OXR1: variants seen among roughly 807,000 people sequenced by gnomAD.
The protein encoded by OXR1 is oxidation resistance protein 1.
A neutral mutation model predicts 104.6 loss-of-function variants in OXR1; 41 were observed. The observed-to-expected ratio is 0.39, with a 90% confidence interval of 0.31 to 0.51. The LOEUF (loss-of-function observed/expected upper bound fraction) is 0.51. Ranked by LOEUF, OXR1 falls within the 20% of genes least tolerant of loss-of-function variation. OXR1 has a pLI of 0.77. For synonymous variants in OXR1, 348 were observed against 348.4 expected, an observed-to-expected ratio of 1.00 and a Z score of 0.01; for missense variants, 955 against 1,031.9, an observed-to-expected ratio of 0.93 and a Z score of 1.02.
chr8:106,391,757 C>T (rs1031754269), intron 2 of OXR1, among the ~76,000 whole-genome samples: 5 of 151,892 alleles, frequency 3.3e-5, no homozygotes, highest in African/African-American at 9.7e-5. Flanking sequence ...TTTTTCCATA[C>T]AGTATTCATT....
intron 1 of OXR1, among the ~76,000 whole-genome samples, chr8:106,282,427 G>A (rs748631456): frequency 3.3e-5 from 5 of 151,998 alleles, no homozygotes; most frequent in Non-Finnish European, 7.4e-5. Flanking sequence ...TAGTTGACTC[G>A]AACAATATGA....
At chr8:106,407,813 G>A (rs970766491) in intron 2 of OXR1, among the ~76,000 whole-genome samples, 28 of 152,238 alleles carry the variant, frequency 1.8e-4, no homozygotes, top group African/African-American at 6.5e-4. Context: ...TCCTCATGGA[G>A]GAAGGGGTTT....
At chr8:106,278,001 G>A (rs1434503829) in intron 1 of OXR1, among the ~76,000 whole-genome samples, 1 of 152,156 alleles carries the variant, frequency 6.6e-6, no homozygotes. Context: ...AGCCACCACA[G>A]CATTTATGTT....
chr8:106,492,324 C>T (rs1184862943), intron 2 of OXR1, among the ~76,000 whole-genome samples: 1 of 152,138 alleles, frequency 6.6e-6, no homozygotes, highest in African/African-American at 2.4e-5. Context: ...AGATAGTTAG[C>T]TCAGAAGGCC....
At chr8:106,371,802 C>T (rs1816718886) in intron 2 of OXR1, among the ~76,000 whole-genome samples, 1 of 152,192 alleles carries the variant, frequency 6.6e-6, no homozygotes, top group Non-Finnish European at 1.5e-5. Context: ...AAGGATAGGC[C>T]TGAAGAAACA....
At chr8:106,547,428 T>C (rs551929554) in intron 3 of OXR1, among the ~76,000 whole-genome samples, 2 of 152,188 alleles carry the variant, frequency 1.3e-5, no homozygotes, top group Admixed American at 1.3e-4. Flanking sequence ...GCTTATTCAG[T>C]TAGTATAATA....
chr8:106,732,741 G>T (rs1316895633), intron 11 of OXR1, among the ~76,000 whole-genome samples: 1 of 152,080 alleles, frequency 6.6e-6, no homozygotes, highest in Non-Finnish European at 1.5e-5. Flanking sequence ...CTTCGTCGTT[G>T]TATATAATTC....
chr8:106,651,055 T>C (rs763172872), intron 3 of OXR1, among the ~76,000 whole-genome samples: 10 of 152,320 alleles, frequency 6.6e-5, no homozygotes, highest in Non-Finnish European at 1.5e-4. Flanking sequence ...GTGAGGACAC[T>C]GAGTCAAAAG....
At chr8:106,596,825 C>T (rs912927221) in intron 3 of OXR1, among the ~76,000 whole-genome samples, 5 of 151,946 alleles carry the variant, frequency 3.3e-5, no homozygotes, top group Non-Finnish European at 5.9e-5. Context: ...GAGGCTGAGA[C>T]GGGTGGATCA....
At chr8:106,577,708 T>A (rs1343478224) in intron 3 of OXR1, among the ~76,000 whole-genome samples, 1 of 152,076 alleles carries the variant, frequency 6.6e-6, no homozygotes, top group Non-Finnish European at 1.5e-5. Flanking sequence ...CCTTTTCTGT[T>A]CAGCCTCAGG....
At chr8:106,582,023 C>CAA (rs71307074) in intron 3 of OXR1, among the ~76,000 whole-genome samples, 1,194 of 69,276 alleles carry the variant, frequency 0.017, 34 homozygotes, top group African/African-American at 0.05. Flanking sequence ...GACTCTGTCT[C>CAA]AAAAAAAAAA....
intron 3 of OXR1, chr8:106,657,785 C>T: frequency 1.7e-6 from 2 of 1,189,128 alleles, no homozygotes; most frequent in Admixed American, 4.2e-5. Flanking sequence ...CCGTCTTTTG[C>T]TCCCCCGACG....
rs534537520 is a variant in OXR1, at chr8:106,347,099, T to C, written c.-138-12377T>C. On this transcript the variant is annotated intron_variant, in intron 1 of 16. Transcript: ENST00000517566. ...TGGTGTTCGATTTTAATTAAGCATG[T>C]CCGTGTCTGTGGAGTGAAAGCCAAA... Among the ~76,000 whole-genome samples the C allele has an allele frequency of 7.9e-5, 12 of 152,308 alleles. No homozygotes were observed. In the South Asian group the frequency reaches 2.5e-3, roughly 32 times the overall value.
At chr8:106,370,253 C>A (rs939414617) in intron 2 of OXR1, among the ~76,000 whole-genome samples, 1 of 152,152 alleles carries the variant, frequency 6.6e-6, no homozygotes, top group African/African-American at 2.4e-5. Context: ...GGTTTTGTAT[C>A]CTGAGACTGC....
intron 2 of OXR1, 57 bp downstream of exon 2, chr8:106,359,693 T>A: frequency 6.1e-6 from 8 of 1,313,238 alleles, no homozygotes; most frequent in Non-Finnish European, 7.5e-6. Flanking sequence ...TGAGCAGTAT[T>A]TTCTGAGGGA....
At chr8:106,550,753 C>T (rs1327786124) in intron 3 of OXR1, among the ~76,000 whole-genome samples, 1 of 152,122 alleles carries the variant, frequency 6.6e-6, no homozygotes, top group Non-Finnish European at 1.5e-5. Flanking sequence ...TAGGTCTCCC[C>T]TGCCACATGG....
At chr8:106,332,479 A>T (rs2130231540) in intron 1 of OXR1, among the ~76,000 whole-genome samples, 1 of 152,342 alleles carries the variant, frequency 6.6e-6, no homozygotes, top group African/African-American at 2.4e-5. Flanking sequence ...ATTATAGGTG[A>T]AACTAAGAAA....
At position 106,411,473 on chromosome 8, in the gene OXR1, G is replaced by A. The variant is rs563666237; in HGVS notation, c.23+51837G>A. Among the ~76,000 whole-genome samples, 4 of 152,290 alleles carry A rather than the reference G, an allele frequency of 2.6e-5. No individual in the cohort carries two copies. In the East Asian group the frequency reaches 7.7e-4, roughly 29 times the overall value. On this transcript the variant is annotated intron_variant, in intron 2 of 16. Transcript: ENST00000517566. ...AGGAAGACATAGTTGGTTCATTCAG[G>A]AAGCCTCTGGTATCGTGGAGGAGAC...
chr8:106,304,601 A>G (rs1320917363), intron 1 of OXR1, among the ~76,000 whole-genome samples: 1 of 150,532 alleles, frequency 6.6e-6, no homozygotes, highest in Non-Finnish European at 1.5e-5. Flanking sequence ...CAACGTGTCA[A>G]AAATATTTTC....
Sources: allele counts gnomAD v4.1 joint callset (sites outside exome capture counted in the v4.1 genomes callset), GRCh38; gene constraint gnomAD v4.1.1; transcripts MANE v1.5; gene names NCBI Gene and HGNC (gene_info 2026-07-23, HGNC 2026-07-21).